Variants in FKBP3 observed in about 807,000 individuals in gnomAD.
FKBP3 encodes the protein FKBP prolyl isomerase 3, also known as peptidyl-prolyl cis-trans isomerase FKBP3.
A neutral mutation model predicts 30.6 loss-of-function variants in FKBP3; 21 were observed. That is an observed-to-expected ratio of 0.69 (90% CI 0.49 to 0.99). The LOEUF is 0.99. FKBP3 is among the 50% of genes least tolerant of loss of function. The pLI is 0.00. For missense variants in FKBP3, 283 were observed against 261.6 expected (o/e 1.08, Z -0.56); for synonymous variants, 82 against 91.3 (o/e 0.90, Z 0.58).
At chr14:45,121,121 A>C (rs1484664877) in intron 4 of FKBP3, among the ~76,000 whole-genome samples, 167 bp from the exon 5 acceptor site, 2 of 152,232 alleles carry the variant, frequency 1.3e-5, no homozygotes, top group Non-Finnish European at 2.9e-5. Context: ...TCATCCATCA[A>C]TAAAATTCTG....
Position 45,118,127 on chromosome 14 carries a change from TA to T in FKBP3, c.523-3del. On this transcript the variant is annotated splice_polypyrimidine_tract_variant and splice_region_variant and intron_variant, in intron 5 of 6. Transcript: ENST00000396062. ...CATAGTCAAGAGAGCTTCATCCCACTAAAGGCAAGAACAAAATAAAAACTAA... is the reference window on the plus strand; with the variant it reads ...CATAGTCAAGAGAGCTTCATCCCACTAAGGCAAGAACAAAATAAAAACTAA... 6.3e-7 allele frequency: 1 copy of T among 1,582,284 alleles called. No homozygotes were observed. The highest frequency in any genetic ancestry group is 1.2e-5 in the South Asian group (1 of 86,066).
intron 3 of FKBP3, among the ~76,000 whole-genome samples, chr14:45,123,741 A>G (rs970140412): frequency 4.0e-4 from 60 of 148,938 alleles, no homozygotes; most frequent in African/African-American, 1.5e-3. Context: ...CAGCCTCCCA[A>G]AGTAGCTGGG....
At chr14:45,128,587 AG>A (rs1165018249) in intron 3 of FKBP3, among the ~76,000 whole-genome samples, 2 of 147,704 alleles carry the variant, frequency 1.4e-5, no homozygotes, top group Admixed American at 1.4e-4. Context: ...GCATGAAGAC[AG>A]AGAGTAGACA....
intron 1 of FKBP3, among the ~76,000 whole-genome samples, chr14:45,132,882 G>C (rs772592672): frequency 1.3e-5 from 2 of 152,182 alleles, no homozygotes; most frequent in African/African-American, 4.8e-5. Flanking sequence ...ACATGACTGA[G>C]GTATTATTAA....
chr14:45,134,228 G>A (rs999787020), intron 1 of FKBP3, 121 bp downstream of exon 1: 8 of 855,628 alleles, frequency 9.3e-6, no homozygotes, highest in Middle Eastern at 2.3e-4. Context: ...CGGCCTTCCA[G>A]GCCACCGGCC....
chr14:45,118,247 A>G (rs1884899890), intron 5 of FKBP3, 122 bp from the exon 6 acceptor site: 3 of 577,586 alleles, frequency 5.2e-6, no homozygotes, highest in East Asian at 3.1e-5. Flanking sequence ...AGATTTCACT[A>G]TATTCTAAGA....
At chr14:45,116,420 T>A in intron 6 of FKBP3, 168 bp from the exon 7 acceptor site, 2 of 537,338 alleles carry the variant, frequency 3.7e-6, no homozygotes, top group Non-Finnish European at 6.8e-6. Context: ...CACCACTTAA[T>A]GAAGACTATT....
At chr14:45,127,955 A>ACC (rs1452861721) in intron 3 of FKBP3, among the ~76,000 whole-genome samples, 3 of 152,228 alleles carry the variant, frequency 2.0e-5, no homozygotes, top group Non-Finnish European at 2.9e-5. Flanking sequence ...AAAGGGACGC[A>ACC]AAGATTCAGA....
chr14:45,134,284 G>A (rs1394456960), intron 1 of FKBP3, 65 bp downstream of exon 1: 2 of 1,257,530 alleles, frequency 1.6e-6, no homozygotes, highest in Non-Finnish European at 2.3e-6. Flanking sequence ...GAATGTATGG[G>A]CATCTCCAGG....
chr14:45,130,975 A>G (rs905922004), intron 1 of FKBP3, 175 bp from the exon 2 acceptor site: 1 of 483,660 alleles, frequency 2.1e-6, no homozygotes, highest in Admixed American at 3.8e-5. Flanking sequence ...GATTTTTTAA[A>G]AATTCGGTAT....
chr14:45,119,967 G>C (rs1884947927), intron 5 of FKBP3, among the ~76,000 whole-genome samples: 2 of 152,068 alleles, frequency 1.3e-5, no homozygotes, highest in South Asian at 4.1e-4. Context: ...TGCAATTACA[G>C]GCATGAGCCA....
At chr14:45,118,187 A>G (rs1375184608) in intron 5 of FKBP3, 62 bp from the exon 6 acceptor site, 15 of 891,890 alleles carry the variant, frequency 1.7e-5, no homozygotes, top group Non-Finnish European at 1.6e-5. Context: ...CAATACCAGG[A>G]CAGTCAAGAC....
In FKBP3 at chr14:45,122,661, G is replaced by C. The variant is rs554916589; in HGVS notation, c.319-1041C>G. Among the ~76,000 whole-genome samples the C allele has an allele frequency of 1.1e-4, 17 of 151,566 alleles. 3 individuals are homozygous for C. The highest frequency in any genetic ancestry group is 3.4e-4 in the African/African-American group (14 of 41,374). On this transcript the variant is annotated intron_variant, in intron 3 of 6. Transcript: ENST00000396062. ...TGGGACTACAGGCGCCTGCCACCAC[G>C]CCCAGCTCATTTTTTGGATTTTTAG...
intron 3 of FKBP3, among the ~76,000 whole-genome samples, chr14:45,126,972 T>TG (rs1885112406): frequency 6.6e-6 from 1 of 151,974 alleles, no homozygotes; most frequent in African/African-American, 2.4e-5. Context: ...CATGCCACCA[T>TG]GCCCAGCTAA....
Position 45,129,913 on chromosome 14 carries a change from ATGT to A in FKBP3, c.211-15_211-13del. On this transcript the variant is annotated splice_polypyrimidine_tract_variant and intron_variant, in intron 2 of 6. Transcript: ENST00000396062. Reference sequence around the variant, plus strand: ...GTACCCTTAAAACGCTGTAAGGAAAATGTTGTAACATCATACCCAGGACAGGCT... The same window carrying A: ...GTACCCTTAAAACGCTGTAAGGAAAATGTAACATCATACCCAGGACAGGCT... 2 of 1,555,576 alleles carry A rather than the reference ATGT, an allele frequency of 1.3e-6. No homozygotes were observed. Among genetic ancestry groups the A allele is most frequent in the South Asian group, 1.1e-5 (1 of 87,810 alleles).
chr14:45,118,043 CCTTT>C lies in FKBP3; in HGVS notation c.601_604del (p.Lys201AspfsTer19). ...AAAAGGATACTTGGCATCAGGCTGTCCTTTCTTTCCGTAAGCCCATTCTGGTTCA... is the reference window on the plus strand; with the variant it reads ...AAAAGGATACTTGGCATCAGGCTGTCCTTTCCGTAAGCCCATTCTGGTTCA... On this transcript the variant is annotated frameshift_variant, in exon 6 of 7. Coordinates refer to ENST00000396062, the MANE Select transcript of FKBP3 (RefSeq NM_002013.4). LOFTEE classifies it high-confidence loss of function. The C allele has an allele frequency of 1.3e-6, 2 of 1,594,856 alleles. No homozygotes were observed. The highest frequency in any genetic ancestry group is 1.7e-6 in the Non-Finnish European group (2 of 1,171,804).
intron 1 of FKBP3, among the ~76,000 whole-genome samples, chr14:45,133,671 T>G: frequency 6.6e-6 from 1 of 152,180 alleles, no homozygotes; most frequent in East Asian, 1.9e-4. Context: ...TATAGACGGA[T>G]GGTTAAGATG....
chr14:45,130,454 A>T (rs1885188970), intron 2 of FKBP3, among the ~76,000 whole-genome samples: 1 of 152,268 alleles, frequency 6.6e-6, no homozygotes, highest in South Asian at 2.1e-4. Flanking sequence ...ACTTCAGTGG[A>T]CTTAAGAATT....
chr14:45,118,175 T>A (rs199966179), intron 5 of FKBP3, 50 bp from the exon 6 acceptor site: 5 of 1,090,946 alleles, frequency 4.6e-6, no homozygotes, highest in African/African-American at 1.6e-5. Context: ...AAAAAGCACA[T>A]GCAATACCAG....
Sources: allele counts gnomAD v4.1 joint callset (sites outside exome capture counted in the v4.1 genomes callset), GRCh38; gene constraint gnomAD v4.1.1; transcripts MANE v1.5; gene names NCBI Gene and HGNC (gene_info 2026-07-23, HGNC 2026-07-21).